The following C4orf51 variants were observed in gnomAD, a reference collection of about 807,000 sequenced individuals.
The protein encoded by C4orf51 is uncharacterized protein C4orf51.
Under a neutral mutation model 25.2 loss-of-function variants are expected in C4orf51, and 25 were observed. That is an observed-to-expected ratio of 0.99 (90% CI 0.72 to 1.39). The LOEUF is 1.39. Among genes scored for constraint, C4orf51 ranks in the 40% most tolerant of loss-of-function variants. The pLI, the probability that C4orf51 is intolerant of heterozygous loss-of-function variation, is 0.00. For synonymous variants in C4orf51, 100 were observed against 84.5 expected (o/e 1.18, Z -1.01); for missense variants, 252 against 239.6 (o/e 1.05, Z -0.34).
At chr4:145,697,509 A>G (rs985469225) in intron 2 of C4orf51, among the ~76,000 whole-genome samples, 2 of 152,218 alleles carry the variant, frequency 1.3e-5, no homozygotes, top group Admixed American at 6.5e-5. Context: ...TTGACCAAAA[A>G]TTCCCCATTT....
In C4orf51 at chr4:145,700,627, G is replaced by A. The variant is rs1025380525; in HGVS notation, c.307+3995G>A. 6.6e-5 allele frequency among the ~76,000 whole-genome samples: 10 copies of A among 152,074 alleles called. No individual in the cohort carries two copies. The East Asian group carries it at 9.6e-4, about 15-fold the overall frequency. On this transcript the variant is annotated intron_variant, in intron 2 of 5. Transcript: ENST00000438731. ...AGGCAAATGGTCTGAGGTGCCTGAC[G>A]TCCAGGCATTATTTTACACATCAGT...
intron 1 of C4orf51, among the ~76,000 whole-genome samples, chr4:145,680,648 A>G (rs1728780887): frequency 6.6e-6 from 1 of 152,206 alleles, no homozygotes; most frequent in South Asian, 2.1e-4. Flanking sequence ...AAAATTACAT[A>G]TAACTACCTA....
chr4:145,764,157 A>G (rs1734932031), intron 1 of C4orf51, among the ~76,000 whole-genome samples: 1 of 152,224 alleles, frequency 6.6e-6, no homozygotes, highest in South Asian at 2.1e-4. Flanking sequence ...CGTTTAGCTG[A>G]GAATTAGTAA....
At chr4:145,779,609 G>C in the C4orf51 span, 1 of 1,479,610 alleles carries the variant, frequency 6.8e-7, no homozygotes, top group Non-Finnish European at 9.1e-7. Flanking sequence ...TCTCTCTGAA[G>C]AATGTGGCTA....
intron 2 of C4orf51, among the ~76,000 whole-genome samples, chr4:145,705,452 C>A (rs1279503358): frequency 6.6e-6 from 1 of 151,578 alleles, no homozygotes; most frequent in East Asian, 1.9e-4. Context: ...TGACTAGCTA[C>A]CTACTGTAAC....
At chr4:145,705,936 G>A (rs1446780977) in intron 2 of C4orf51, among the ~76,000 whole-genome samples, 1 of 152,162 alleles carries the variant, frequency 6.6e-6, no homozygotes, top group East Asian at 1.9e-4. Flanking sequence ...GGTGCATGGG[G>A]TTGCTAGCTG....
Position 145,745,933 on chromosome 4 carries a change from A to G in C4orf51, n.168-8274A>G, listed in dbSNP as rs756041248. Among the ~76,000 whole-genome samples, 6 of 152,132 alleles carry G rather than the reference A, an allele frequency of 3.9e-5. No individual in the cohort carries two copies. In the East Asian group the frequency reaches 9.6e-4, roughly 24 times the overall value. On this transcript the variant is annotated intron_variant and non_coding_transcript_variant, in intron 1 of 1. Transcript: ENST00000508981. ...AAGCCATTTTAACTTGGGCGAGATG[A>G]TATCTCATTGTAGTTTTGGTTTGCA...
chr4:145,741,086 T>C (rs1733072372), intron 1 of C4orf51, among the ~76,000 whole-genome samples: 1 of 152,160 alleles, frequency 6.6e-6, no homozygotes, highest in South Asian at 2.1e-4. Flanking sequence ...CAGAAAAGGA[T>C]AGTTTGTCAG....
intron 2 of C4orf51, among the ~76,000 whole-genome samples, chr4:145,706,226 T>C (rs1466466467): frequency 6.6e-6 from 1 of 152,252 alleles, no homozygotes; most frequent in Non-Finnish European, 1.5e-5. Flanking sequence ...TTTAGTCTTA[T>C]TATACTTGGC....
At chr4:145,692,552 T>G (rs1729655108) in intron 1 of C4orf51, among the ~76,000 whole-genome samples, 1 of 152,228 alleles carries the variant, frequency 6.6e-6, no homozygotes, top group Non-Finnish European at 1.5e-5. Flanking sequence ...ATTCAACTGC[T>G]GCTGTCATTA....
downstream of C4orf51, among the ~76,000 whole-genome samples, chr4:145,733,260 C>CG (rs1732603074): frequency 6.6e-6 from 1 of 152,146 alleles, no homozygotes; most frequent in Admixed American, 6.5e-5. Context: ...TTCTCCCCCA[C>CG]GATCTTCCTC....
downstream of C4orf51, chr4:145,758,241 A>G (rs1346685789): frequency 1.3e-5 from 2 of 152,242 alleles, no homozygotes; most frequent in Non-Finnish European, 2.9e-5. Flanking sequence ...TATATTAAGC[A>G]TTACTAAGTC....
Position 145,710,021 on chromosome 4 carries a change from C to G in C4orf51, c.307+13389C>G, listed in dbSNP as rs535855242. ...GAAGGCAAGATGTAGAAGTCTCTTA[C>G]CACAAGGGATCATATCTGAGTCATG... On this transcript the variant is annotated intron_variant, in intron 2 of 5. Transcript: ENST00000438731. Among the ~76,000 whole-genome samples, 22 of 152,286 alleles carry G rather than the reference C, an allele frequency of 1.4e-4. No individual in the cohort carries two copies. In the South Asian group the frequency reaches 3.5e-3, roughly 24 times the overall value.
At chr4:145,725,581 T>C (rs932666408) in intron 2 of C4orf51, among the ~76,000 whole-genome samples, 6 of 144,558 alleles carry the variant, frequency 4.2e-5, no homozygotes, top group Non-Finnish European at 9.0e-5. Context: ...ATTCGTACAA[T>C]GGAACACTAT....
chr4:145,776,870 A>G, the C4orf51 span, among the ~76,000 whole-genome samples: 1 of 152,268 alleles, frequency 6.6e-6, no homozygotes, highest in Non-Finnish European at 1.5e-5. Context: ...ACCCTCTCAT[A>G]AAACTGACAA....
At chr4:145,740,419 C>T (rs2126792350) in intron 1 of C4orf51, among the ~76,000 whole-genome samples, 1 of 152,230 alleles carries the variant, frequency 6.6e-6, no homozygotes, top group Non-Finnish European at 1.5e-5. Flanking sequence ...ATCGGGTTTC[C>T]TACAGTCCCC....
intron 5 of C4orf51, among the ~76,000 whole-genome samples, chr4:145,731,224 C>T (rs1732437990): frequency 6.6e-6 from 1 of 152,140 alleles, no homozygotes; most frequent in African/African-American, 2.4e-5. Context: ...TCCCTCTTGC[C>T]TACATGGAGT....
intron 5 of C4orf51, among the ~76,000 whole-genome samples, chr4:145,731,970 A>C (rs1215318126): frequency 1.3e-5 from 2 of 152,218 alleles, no homozygotes. Flanking sequence ...TTCCTGCATC[A>C]AAGCAATAAG....
downstream of C4orf51, among the ~76,000 whole-genome samples, chr4:145,772,601 G>A (rs959562004): frequency 7.9e-5 from 12 of 152,122 alleles, no homozygotes; most frequent in African/African-American, 2.4e-4. Flanking sequence ...TTCAACAGCC[G>A]AGTTGAGTAG....
Sources: gnomAD v4.1 joint callset for allele counts (sites outside exome capture counted in the v4.1 genomes callset) on GRCh38, gnomAD v4.1.1 for gene constraint, MANE v1.5 for transcripts, NCBI Gene and HGNC (gene_info 2026-07-23, HGNC 2026-07-21) for gene names.